The following MPHOSPH10 variants were observed in gnomAD, a reference collection of about 807,000 sequenced individuals.
The protein encoded by MPHOSPH10 is U3 small nucleolar ribonucleoprotein MPP10.
In MPHOSPH10, 33 loss-of-function variants were observed where a neutral mutation model predicts 77.3. That is an observed-to-expected ratio of 0.43 (90% CI 0.32 to 0.57). MPHOSPH10 has a LOEUF of 0.57. MPHOSPH10 is among the 20% of genes least tolerant of loss of function. The probability of loss-of-function intolerance (pLI) is 0.07; values close to 1 mark genes in which losing one functional copy is unlikely to be tolerated. For missense variants in MPHOSPH10, 708 were observed against 780.1 expected, an observed-to-expected ratio of 0.91 and a Z score of 1.10; for synonymous variants, 245 against 268.0, an observed-to-expected ratio of 0.91 and a Z score of 0.84.
Position 71,132,984 on chromosome 2 carries a change from A to C in MPHOSPH10, c.176A>C (p.His59Pro). ...AAAATATTAGAGAATGGTAGGATCC[A>C]TGGAAGCCCCTTGCAAAAACTTGTG... Reference protein sequence around the residue: ...FNKILENGRIHGSPLQKLVIE... With the variant: ...FNKILENGRIPGSPLQKLVIE... The change falls in exon 2 of 11, where the codon CAT (histidine) becomes CCT (proline). Residue 59 changes from histidine to proline, a missense_variant. By Grantham distance (77) the His-to-Pro change is moderately conservative (BLOSUM62 -2). This residue lies in a region of MPHOSPH10 where 433 missense variants were observed against 432.6 expected (regional missense o/e 1.00). Transcript: ENST00000244230. The C allele has an allele frequency of 6.2e-7, 1 of 1,614,192 alleles. No individual in the cohort carries two copies. The highest frequency in any genetic ancestry group is 8.5e-7 in the Non-Finnish European group (1 of 1,180,016).
chr2:71,149,328 G>A lies in MPHOSPH10; in HGVS notation c.1771G>A (p.Glu591Lys). 6.2e-7 allele frequency: 1 copy of A among 1,613,606 alleles called. No homozygotes were observed. Among genetic ancestry groups the A allele is most frequent in the Non-Finnish European group, 8.5e-7 (1 of 1,179,688 alleles). ...ATATCAAAAGCGTATGAAAATAAAAGAGAAGGAGAAGCGGAGAAAACTGCT... is the reference window on the plus strand; with the variant it reads ...ATATCAAAAGCGTATGAAAATAAAAAAGAAGGAGAAGCGGAGAAAACTGCT... The part of the protein sequence containing the change: ...KKYQKRMKIK[E>K]KEKRRKLLEK... Residue 591 changes from glutamate to lysine, a missense_variant, in exon 10 of 11, where the codon GAG becomes AAG. By Grantham distance (56) the Glu-to-Lys change is moderately conservative (BLOSUM62 1). Coordinates refer to ENST00000244230, the MANE Select transcript of MPHOSPH10 (RefSeq NM_005791.3).
intron 9 of MPHOSPH10, chr2:71,148,705 C>G (rs900284845): frequency 6.2e-6 from 1 of 162,510 alleles, no homozygotes; most frequent in African/African-American, 2.4e-5. Flanking sequence ...GTCTGAGCCT[C>G]TGCCACCTCA....
chr2:71,134,214 T>A (rs1311399532), intron 3 of MPHOSPH10, 109 bp downstream of exon 3: 2 of 1,060,476 alleles, frequency 1.9e-6, no homozygotes, highest in Non-Finnish European at 2.6e-6. Flanking sequence ...TTCTCTAATA[T>A]CAGATATTCT....
intron 9 of MPHOSPH10, 57 bp from the exon 10 acceptor site, chr2:71,149,166 A>G (rs765366228): frequency 6.2e-5 from 90 of 1,461,442 alleles, no homozygotes; most frequent in Non-Finnish European, 7.4e-5. Flanking sequence ...CTTCCATTCC[A>G]GTTTCCTAGT....
intron 7 of MPHOSPH10, among the ~76,000 whole-genome samples, chr2:71,143,805 C>T (rs1028001267): frequency 3.3e-5 from 5 of 152,200 alleles, no homozygotes; most frequent in Admixed American, 6.5e-5. Flanking sequence ...TATGGTTACA[C>T]GGTATTCCGT....
chr2:71,139,919 T>C, intron 6 of MPHOSPH10, 57 bp downstream of exon 6: 1 of 1,208,650 alleles, frequency 8.3e-7, no homozygotes, highest in East Asian at 2.4e-5. Flanking sequence ...TTAGAAATAA[T>C]GTGAGAGTAC....
intron 4 of MPHOSPH10, among the ~76,000 whole-genome samples, chr2:71,137,416 T>C (rs1357048630): frequency 6.6e-6 from 1 of 151,876 alleles, no homozygotes; most frequent in Non-Finnish European, 1.5e-5. Flanking sequence ...CCCAACACTT[T>C]GGGAGACCAA....
At position 71,136,027 on chromosome 2, in the gene MPHOSPH10, T is replaced by C. The variant is rs141104470; in HGVS notation, c.1098+1230T>C. Among the ~76,000 whole-genome samples, 283 of 152,254 alleles carry C rather than the reference T, an allele frequency of 1.9e-3. 2 individuals carry two copies. The highest frequency in any genetic ancestry group is 6.4e-3 in the African/African-American group (264 of 41,550). ...GCGGATACCACCTATGTCTTTAAGG[T>C]GCTCCACAGATTTTTGTGAGTGCCA... On this transcript the variant is annotated intron_variant, in intron 4 of 10. Transcript: ENST00000244230.
At chr2:71,132,759 T>C in intron 1 of MPHOSPH10, 139 bp from the exon 2 acceptor site, 1 of 1,147,220 alleles carries the variant, frequency 8.7e-7, no homozygotes, top group East Asian at 2.6e-5. Context: ...TCAGCTTATA[T>C]GTTGTTGGGG....
intron 1 of MPHOSPH10, among the ~76,000 whole-genome samples, chr2:71,131,845 A>G (rs920157836): frequency 6.6e-6 from 1 of 152,136 alleles, no homozygotes; most frequent in Admixed American, 6.5e-5. Context: ...TAAGGCAGGA[A>G]CTGGCTGTTT....
intron 4 of MPHOSPH10, among the ~76,000 whole-genome samples, chr2:71,135,356 G>C (rs1673466466): frequency 6.6e-6 from 1 of 150,664 alleles, no homozygotes; most frequent in African/African-American, 2.4e-5. Context: ...GACCAGCCTG[G>C]CTAACATGGT....
In MPHOSPH10 at chr2:71,134,640, A is replaced by T. The variant is rs1217260314; in HGVS notation, c.941A>T (p.Asp314Val). The T allele has an allele frequency of 6.2e-7, 1 of 1,601,932 alleles. No individual in the cohort carries two copies. The highest frequency in any genetic ancestry group is 2.2e-5 in the East Asian group (1 of 44,722). The change falls in exon 4 of 11, where the codon GAC (aspartate) becomes GTC (valine). Residue 314 changes from aspartate to valine, a missense_variant. By Grantham distance (152) the Asp-to-Val change is radical (BLOSUM62 -3). Transcript: ENST00000244230. Reference protein sequence around the residue: ...LSISETDEDDDLQENEDNKQH... With the variant: ...LSISETDEDDVLQENEDNKQH... Reference sequence around the variant, plus strand: ...TGGTATTGTAGGGATGAAGATGATGACCTTCAAGAAAATGAAGACAATAAA... The same window carrying T: ...TGGTATTGTAGGGATGAAGATGATGTCCTTCAAGAAAATGAAGACAATAAA...
chr2:71,148,042 C>G lies in MPHOSPH10; in HGVS notation c.1601C>G (p.Thr534Ser). ...GTTGTGTCAAATCTGCCAGCCATAA[C>G]CATGGAGGAAGTAGCCCCAGTGAGT... ...IKVVSNLPAI[T>S]MEEVAPVSVS... Residue 534 changes from threonine to serine, a missense_variant, in exon 9 of 11, where the codon ACC becomes AGC. Thr to Ser is a moderately conservative substitution (Grantham distance 58). Around this residue, in one of 3 missense-constraint regions of MPHOSPH10, gnomAD observed 263 missense variants for 320.0 expected, o/e 0.82. Coordinates refer to ENST00000244230, the MANE Select transcript of MPHOSPH10 (RefSeq NM_005791.3). 5 of 1,614,136 alleles carry G rather than the reference C, an allele frequency of 3.1e-6. No homozygotes were observed. The highest frequency in any genetic ancestry group is 4.2e-6 in the Non-Finnish European group (5 of 1,179,988).
rs773605953 is a variant in MPHOSPH10 at position 71,141,381 on chromosome 2, T to C, written c.1446+12T>C. Reference sequence around the variant, plus strand: ...TCAAACTCAACCAGGTGAGGAAGCCTGTAAGGCCAAGCCATTATTATTAAA... The same window carrying C: ...TCAAACTCAACCAGGTGAGGAAGCCCGTAAGGCCAAGCCATTATTATTAAA... On this transcript the variant is annotated intron_variant, in intron 7 of 10. Transcript: ENST00000244230. 1.3e-6 allele frequency: 2 copies of C among 1,502,224 alleles called. No individual in the cohort carries two copies. Among genetic ancestry groups the C allele is most frequent in the Non-Finnish European group, 1.8e-6 (2 of 1,128,322 alleles). The allele number at this position is 1,502,224 out of a possible 1,614,324, so 93.1% of individuals were successfully genotyped here. A position where few individuals can be genotyped will look rare whatever the true frequency, so the allele number is the denominator to read the frequency against.
chr2:71,133,609 T>TCCC (rs2103661090), intron 2 of MPHOSPH10, 33 bp downstream of exon 2: 2 of 1,514,514 alleles, frequency 1.3e-6, no homozygotes, highest in Non-Finnish European at 1.8e-6. Context: ...AGCACTTTCC[T>TCCC]CCTCAAATTA....
chr2:71,141,319 A>C lies in MPHOSPH10; in HGVS notation c.1396A>C (p.Lys466Gln). The C allele has an allele frequency of 6.4e-7, 1 of 1,569,670 alleles. No homozygotes were observed. Among genetic ancestry groups the C allele is most frequent in the East Asian group, 2.4e-5 (1 of 41,746 alleles). ...TTTAACCTTAGACCATGAGAAGAGTAAATTGAGCCTTGCTGAAATTTATGA... is the reference window on the plus strand; with the variant it reads ...TTTAACCTTAGACCATGAGAAGAGTCAATTGAGCCTTGCTGAAATTTATGA... ...KRLTLDHEKS[K>Q]LSLAEIYEQE... The change falls in exon 7 of 11, where the codon AAA (lysine) becomes CAA (glutamine). Residue 466 changes from lysine (K) to glutamine (Q), a missense_variant. Physicochemically the swap from Lys to Gln is moderately conservative, Grantham distance 53 (BLOSUM62 1). Coordinates refer to ENST00000244230, the MANE Select transcript of MPHOSPH10 (RefSeq NM_005791.3).
intron 8 of MPHOSPH10, among the ~76,000 whole-genome samples, chr2:71,146,420 C>T (rs1673709510): frequency 6.7e-6 from 1 of 149,198 alleles, no homozygotes; most frequent in African/African-American, 2.5e-5. Flanking sequence ...ACTGCAACCT[C>T]TGCCTCCCAA....
Position 71,134,027 on chromosome 2 carries a change from A to C in MPHOSPH10, c.848A>C (p.His283Pro), listed in dbSNP as rs776830265. 2 of 1,609,938 alleles carry C rather than the reference A, an allele frequency of 1.2e-6. No homozygotes were observed. Among genetic ancestry groups the C allele is most frequent in the South Asian group, 2.2e-5 (2 of 90,430 alleles). Residue 283 changes from histidine (H) to proline (P), a missense_variant, in exon 3 of 11, where the codon CAT becomes CCT. His to Pro is a moderately conservative substitution (Grantham distance 77). Around this residue, in one of 3 missense-constraint regions of MPHOSPH10, gnomAD observed 433 missense variants for 432.6 expected, o/e 1.00. Transcript: ENST00000244230. ...AGTGATGAAGACATAACAAATGTTC[A>C]TGATGATGAGCTGGATTCAAACAAA... The part of the protein sequence containing the change: ...VESDEDITNV[H>P]DDELDSNKED...
In MPHOSPH10 at chr2:71,133,057, A is replaced by G. The variant is rs1673417626; in HGVS notation, c.249A>G (p.Gln83=). The G allele has an allele frequency of 6.2e-7, 1 of 1,614,212 alleles. No homozygotes were observed. The highest frequency in any genetic ancestry group is 1.1e-5 in the South Asian group (1 of 91,086). The change falls in exon 2 of 11, where the codon CAA becomes CAG. Residue 83 remains glutamine, a synonymous_variant. Coordinates refer to ENST00000244230, the MANE Select transcript of MPHOSPH10 (RefSeq NM_005791.3). ...DEQIWQQLEL[Q]NEPILQYFQN... ...AGATTTGGCAACAACTGGAATTGCA[A>G]AATGAACCAATTTTACAATACTTTC...
Sources: allele counts gnomAD v4.1 joint callset (sites outside exome capture counted in the v4.1 genomes callset), GRCh38; gene constraint gnomAD v4.1.1; regional missense constraint gnomAD v4.1.1; transcripts MANE v1.5; gene names NCBI Gene and HGNC (gene_info 2026-07-23, HGNC 2026-07-21).